The following STK4 variants were observed in gnomAD, a reference collection of about 807,000 sequenced individuals.
The protein encoded by STK4 is serine/threonine kinase 4, also known as serine/threonine-protein kinase 4.
Under a neutral mutation model 64.9 loss-of-function variants are expected in STK4, and 30 were observed. The observed-to-expected ratio is 0.46, with a 90% confidence interval of 0.35 to 0.63. STK4 has a LOEUF of 0.63. Ranked by LOEUF, STK4 falls within the 20% of genes least tolerant of loss-of-function variation. The pLI, the probability that STK4 is intolerant of heterozygous loss-of-function variation, is 0.01. For synonymous variants in STK4, 177 were observed against 199.0 expected (o/e 0.89, Z 0.93); for missense variants, 466 against 598.5 (o/e 0.78, Z 2.31).
At chr20:44,991,693 T>G (rs749982631) in intron 5 of STK4, among the ~76,000 whole-genome samples, 1 of 152,162 alleles carries the variant, frequency 6.6e-6, no homozygotes, top group Non-Finnish European at 1.5e-5. Context: ...GACAGGGTCT[T>G]GCTCTGTCAC....
In STK4 at chr20:44,997,302, T is replaced by C; in HGVS notation, c.827T>C (p.Leu276Pro). The C allele has an allele frequency of 1.3e-6, 2 of 1,595,876 alleles. No homozygotes were observed. The highest frequency in any genetic ancestry group is 1.7e-6 in the Non-Finnish European group (2 of 1,173,612). The part of the protein sequence containing the change: ...PEQRATATQL[L>P]QHPFVRSAKG... ...CAGAGGGCCACAGCCACTCAGCTCC[T>C]GCAGGTATGAATCACCCTGTGATGC... Residue 276 changes from leucine (L) to proline (P), a missense_variant, in exon 7 of 11, where the codon CTG becomes CCG. By Grantham distance (98) the Leu-to-Pro change is moderately conservative. Around this residue, in one of 2 missense-constraint regions of STK4, gnomAD observed 276 missense variants for 308.9 expected, o/e 0.89. Coordinates refer to ENST00000372806, the MANE Select transcript of STK4 (RefSeq NM_006282.5).
At chr20:45,060,710 T>C (rs1978918818) in intron 10 of STK4, among the ~76,000 whole-genome samples, 1 of 152,202 alleles carries the variant, frequency 6.6e-6, no homozygotes. Flanking sequence ...CTCGAGATAA[T>C]GCATGTAAGG....
At position 45,024,965 on chromosome 20, in the gene STK4, GT is replaced by G. The variant is rs771127580; in HGVS notation, c.1148-4del. 2.0e-6 allele frequency: 3 copies of G among 1,538,112 alleles called. No homozygotes were observed. In the Admixed American group the frequency reaches 6.6e-5, roughly 34 times the overall value. ...TTCTTTTCATTTTTCATTTTTCTTT[GT>G]TTTCAGGAAGGGATGAGACCATGCA... On this transcript the variant is annotated splice_region_variant and splice_polypyrimidine_tract_variant and intron_variant, in intron 9 of 10. Coordinates refer to ENST00000372806, the MANE Select transcript of STK4 (RefSeq NM_006282.5).
intron 10 of STK4, among the ~76,000 whole-genome samples, chr20:45,033,064 A>T (rs950388358): frequency 6.6e-6 from 1 of 152,134 alleles, no homozygotes; most frequent in Non-Finnish European, 1.5e-5. Context: ...GACCATGTGT[A>T]TGTCTTCTTT....
chr20:44,977,053 G>A (rs967758702), intron 2 of STK4, among the ~76,000 whole-genome samples: 3 of 152,232 alleles, frequency 2.0e-5, no homozygotes, highest in Non-Finnish European at 4.4e-5. Context: ...GAAGGGAATA[G>A]GAATTCTGTG....
At chr20:45,050,038 C>A (rs1350519434) in intron 10 of STK4, among the ~76,000 whole-genome samples, 1 of 152,168 alleles carries the variant, frequency 6.6e-6, no homozygotes, top group South Asian at 2.1e-4. Flanking sequence ...TTGGCCACAT[C>A]AATGAGCTCC....
chr20:45,062,988 C>CTTTTTTTT (rs1407476144), intron 10 of STK4, among the ~76,000 whole-genome samples: 1 of 56,352 alleles, frequency 1.8e-5, no homozygotes, highest in East Asian at 3.5e-4. Context: ...CCGCACCCGG[C>CTTTTTTTT]CTTTTTTTTT....
chr20:45,018,173 C>T (rs182683090), intron 9 of STK4, among the ~76,000 whole-genome samples: 12 of 152,206 alleles, frequency 7.9e-5, no homozygotes, highest in African/African-American at 2.6e-4. Flanking sequence ...CTATTCCAAG[C>T]CAGAGGAAAA....
Position 45,021,415 on chromosome 20 carries a change from T to C in STK4, c.1148-3558T>C, listed in dbSNP as rs1299613465. On this transcript the variant is annotated intron_variant, in intron 9 of 10. Coordinates refer to ENST00000372806, the MANE Select transcript of STK4 (RefSeq NM_006282.5). ...TAGGAATACTGCTGTCTTCTTCATA[T>C]AAACTTAACATGTCAGTAAAGCACT... 2.0e-5 allele frequency among the ~76,000 whole-genome samples: 3 copies of C among 152,226 alleles called. No homozygotes were observed. In the East Asian group the frequency reaches 5.8e-4, roughly 29 times the overall value.
At chr20:45,018,277 T>C (rs2068180259) in intron 9 of STK4, among the ~76,000 whole-genome samples, 1 of 152,236 alleles carries the variant, frequency 6.6e-6, no homozygotes, top group Non-Finnish European at 1.5e-5. Context: ...AATCAGGCTC[T>C]GCCCAGTTCT....
intron 2 of STK4, chr20:44,975,395 C>T (rs2067322481): frequency 1.0e-6 from 1 of 984,062 alleles, no homozygotes; most frequent in Non-Finnish European, 1.2e-6. Flanking sequence ...TCCTTGCTAT[C>T]AGGATGCATA....
At chr20:45,067,476 T>C (rs1368044694) in intron 10 of STK4, among the ~76,000 whole-genome samples, 1 of 152,236 alleles carries the variant, frequency 6.6e-6, no homozygotes, top group African/African-American at 2.4e-5. Flanking sequence ...GAGTTTGTAG[T>C]GGCAGAGGAG....
chr20:44,985,333 G>A (rs975731263), intron 4 of STK4, among the ~76,000 whole-genome samples: 5 of 152,154 alleles, frequency 3.3e-5, no homozygotes, highest in African/African-American at 1.2e-4. Context: ...ACTTAGTAAC[G>A]GTTAGCCTTT....
intron 9 of STK4, among the ~76,000 whole-genome samples, chr20:45,007,164 C>T (rs2067962299): frequency 6.6e-6 from 1 of 152,164 alleles, no homozygotes; most frequent in Non-Finnish European, 1.5e-5. Context: ...TGATGTTTCT[C>T]CACTTTCTCT....
At chr20:44,988,488 A>C (rs1222898223) in intron 5 of STK4, among the ~76,000 whole-genome samples, 5 of 145,150 alleles carry the variant, frequency 3.4e-5, no homozygotes, top group Non-Finnish European at 7.6e-5. Context: ...TCTCAAAAAA[A>C]AAATGTGTAT....
chr20:45,008,892 T>C (rs923602203), intron 9 of STK4, among the ~76,000 whole-genome samples: 3 of 152,180 alleles, frequency 2.0e-5, no homozygotes, highest in Non-Finnish European at 2.9e-5. Context: ...TGTTTTTTGC[T>C]TGTTGATTTG....
At chr20:45,005,784 C>T (rs190418910) in intron 9 of STK4, among the ~76,000 whole-genome samples, 15 of 151,882 alleles carry the variant, frequency 9.9e-5, no homozygotes, top group Middle Eastern at 6.8e-3. Flanking sequence ...CTTATGGGCT[C>T]ATTTTTCTTC....
intron 10 of STK4, among the ~76,000 whole-genome samples, chr20:45,070,837 G>A (rs1980002271): frequency 6.7e-6 from 1 of 148,668 alleles, no homozygotes; most frequent in South Asian, 2.1e-4. Context: ...GCAGTGAGCT[G>A]AGATCTTGCT....
rs2299972 is a variant in STK4 at position 44,973,837 on chromosome 20, A to G, written c.116+1679A>G. On this transcript the variant is annotated intron_variant, in intron 2 of 10. Transcript: ENST00000372806. Reference sequence around the variant, plus strand: ...TGGGGTAAAGTATAGTGCTTATCACAATAATAAATGTTCAGTAAGTGGCAA... The same window carrying G: ...TGGGGTAAAGTATAGTGCTTATCACGATAATAAATGTTCAGTAAGTGGCAA... 6.1e-3 allele frequency among the ~76,000 whole-genome samples: 924 copies of G among 152,296 alleles called. 32 individuals are homozygous for G. In the East Asian group the frequency reaches 0.1, roughly 16 times the overall value.
Sources: allele counts gnomAD v4.1 joint callset (sites outside exome capture counted in the v4.1 genomes callset), GRCh38; gene constraint gnomAD v4.1.1; regional missense constraint gnomAD v4.1.1; transcripts MANE v1.5; gene names NCBI Gene and HGNC (gene_info 2026-07-23, HGNC 2026-07-21).